FNBP1L: variants seen among roughly 807,000 people sequenced by gnomAD.
FNBP1L encodes formin-binding protein 1-like.
A neutral mutation model predicts 91.2 loss-of-function variants in FNBP1L; 36 were observed. The observed-to-expected ratio is 0.39, with a 90% CI of 0.30 to 0.52. The LOEUF is 0.52. Ranked by LOEUF, FNBP1L falls within the 20% of genes least tolerant of loss-of-function variation. The pLI is 0.66. For synonymous variants in FNBP1L, 242 were observed against 237.0 expected (o/e 1.02, Z -0.19); for missense variants, 571 against 732.1 (o/e 0.78, Z 2.54).
At chr1:93,482,907 A>G (rs1669760956) in intron 1 of FNBP1L, among the ~76,000 whole-genome samples, 3 of 151,266 alleles carry the variant, frequency 2.0e-5, no homozygotes, top group Non-Finnish European at 4.4e-5. Flanking sequence ...AGTCCCAGCT[A>G]CTCAGGAGGC....
At chr1:93,513,695 A>C (rs1370233837) in intron 2 of FNBP1L, among the ~76,000 whole-genome samples, 1 of 152,240 alleles carries the variant, frequency 6.6e-6, no homozygotes, top group Non-Finnish European at 1.5e-5. Flanking sequence ...TAGATGCAGA[A>C]AAGGCCTTTG....
intron 1 of FNBP1L, among the ~76,000 whole-genome samples, chr1:93,497,322 A>G (rs1670299546): frequency 6.6e-6 from 1 of 152,238 alleles, no homozygotes; most frequent in Non-Finnish European, 1.5e-5. Context: ...AGTTTACAAA[A>G]ATAACAAATT....
At chr1:93,472,554 T>C (rs1406835659) in intron 1 of FNBP1L, among the ~76,000 whole-genome samples, 1 of 151,876 alleles carries the variant, frequency 6.6e-6, no homozygotes, top group African/African-American at 2.4e-5. Context: ...GGCTTATGCC[T>C]GTAATCCCAG....
At chr1:93,506,410 C>G (rs201598046) in intron 2 of FNBP1L, among the ~76,000 whole-genome samples, 1 of 152,122 alleles carries the variant, frequency 6.6e-6, no homozygotes, top group East Asian at 1.9e-4. Flanking sequence ...CAAAGTCTTA[C>G]AACTTTCAGA....
chr1:93,468,326 T>C (rs1358606833), intron 1 of FNBP1L, among the ~76,000 whole-genome samples: 1 of 152,202 alleles, frequency 6.6e-6, no homozygotes, highest in Non-Finnish European at 1.5e-5. Context: ...TGTATGCATA[T>C]ACCACATTTT....
In FNBP1L at chr1:93,547,365, G is replaced by A. The variant is rs752462169; in HGVS notation, c.1426G>A (p.Glu476Lys). The change falls in exon 14 of 17, where the codon GAA becomes AAA. Residue 476 changes from glutamate (E) to lysine (K), a missense_variant. Coordinates refer to ENST00000271234, the MANE Select transcript of FNBP1L (RefSeq NM_001164473.3). ...HKNEAWLSEV[E>K]GKTGGRGDRR... The stretch of plus-strand genomic sequence containing the variant: ...TCCTAAGGCTTGGCTCTCTGAAGTC[G>A]AAGGCAAAACAGGTGGGAGAGGAGA... 3.8e-6 allele frequency: 6 copies of A among 1,559,944 alleles called. No homozygotes were observed. The highest frequency in any genetic ancestry group is 1.9e-5 in the Admixed American group (1 of 52,192).
At chr1:93,448,504 G>C (rs897597311) in intron 1 of FNBP1L, among the ~76,000 whole-genome samples, 199 bp downstream of exon 1, 1 of 152,190 alleles carries the variant, frequency 6.6e-6, no homozygotes, top group Non-Finnish European at 1.5e-5. Context: ...CCGCTAGTCC[G>C]TGCTCCCGCC....
intron 1 of FNBP1L, among the ~76,000 whole-genome samples, chr1:93,482,673 G>A (rs1204265824): frequency 6.6e-6 from 1 of 151,986 alleles, no homozygotes; most frequent in Admixed American, 6.5e-5. Context: ...CAGGCAGATT[G>A]CTTGAGCCCA....
At position 93,554,328 on chromosome 1, in the gene FNBP1L, T is replaced by C. The variant is rs1455400853; in HGVS notation, c.*1912T>C. On this transcript the variant is annotated 3_prime_UTR_variant, in exon 17 of 17. Coordinates refer to ENST00000271234, the MANE Select transcript of FNBP1L (RefSeq NM_001164473.3). ...GCTAACAGCCACAGAGGGCAAAGTT[T>C]AAGACTTTCTTGTAAGGACTAACTG... 1 of 152,694 alleles carries C rather than the reference T, an allele frequency of 6.5e-6. No individual in the cohort carries two copies. The highest frequency in any genetic ancestry group is 1.5e-5 in the Non-Finnish European group (1 of 68,050). 9.5% of individuals were successfully genotyped at this position (152,694 alleles called of 1,614,324 possible). A position where few individuals can be genotyped will look rare whatever the true frequency, so the allele number is the denominator to read the frequency against.
chr1:93,474,675 A>G (rs762594723), intron 1 of FNBP1L, among the ~76,000 whole-genome samples: 6 of 152,186 alleles, frequency 3.9e-5, no homozygotes, highest in East Asian at 3.9e-4. Flanking sequence ...TATTTTGTCA[A>G]TCATTTCTTA....
intron 5 of FNBP1L, among the ~76,000 whole-genome samples, chr1:93,526,410 T>G (rs1671496872): frequency 1.3e-5 from 2 of 152,176 alleles, no homozygotes; most frequent in South Asian, 4.1e-4. Flanking sequence ...GCAGTAGGCT[T>G]AAAGAGCTAA....
At chr1:93,552,111 A>T in intron 16 of FNBP1L, 1 of 1,147,978 alleles carries the variant, frequency 8.7e-7, no homozygotes, top group Non-Finnish European at 1.1e-6. Flanking sequence ...AGTTATTAGG[A>T]TAGATAAATT....
intron 1 of FNBP1L, among the ~76,000 whole-genome samples, chr1:93,469,787 A>G (rs766401088): frequency 6.6e-6 from 1 of 152,136 alleles, no homozygotes; most frequent in African/African-American, 2.4e-5. Context: ...CCTGGGCAAT[A>G]TAGCAAGATC....
At chr1:93,501,372 G>T (rs1343781436) in intron 2 of FNBP1L, among the ~76,000 whole-genome samples, 1 of 152,156 alleles carries the variant, frequency 6.6e-6, no homozygotes, top group Non-Finnish European at 1.5e-5. Flanking sequence ...GTACAGGCTG[G>T]TAAGTTCAAA....
Position 93,540,861 on chromosome 1 carries a change from T to G in FNBP1L, c.1150-181T>G, listed in dbSNP as rs1480541917. ...AATGTATGCTTTTTTTTTTTTTTTT[T>G]GCAAGTAATTTACTTTCCCAAAATG... On this transcript the variant is annotated intron_variant, in intron 10 of 16. Transcript: ENST00000271234. Among the ~76,000 whole-genome samples the G allele has an allele frequency of 1.8e-4, 22 of 124,866 alleles. No homozygotes were observed. Among genetic ancestry groups the G allele is most frequent in the Non-Finnish European group, 2.9e-4 (17 of 58,858 alleles). 81.9% of individuals were successfully genotyped at this position (124,866 alleles called of 152,430 possible). A position where few individuals can be genotyped will look rare whatever the true frequency, so the allele number is the denominator to read the frequency against.
chr1:93,499,321 A>AT, intron 1 of FNBP1L, 147 bp from the exon 2 acceptor site: 1 of 629,078 alleles, frequency 1.6e-6, no homozygotes, highest in South Asian at 1.9e-5. Context: ...CTAGGTCTTA[A>AT]AGGGTGAAGT....
intron 2 of FNBP1L, among the ~76,000 whole-genome samples, chr1:93,521,574 C>T (rs993743012): frequency 6.6e-6 from 1 of 152,216 alleles, no homozygotes; most frequent in African/African-American, 2.4e-5. Context: ...AACCTACCCA[C>T]ATCCTCCCCA....
In FNBP1L at chr1:93,549,464, G is replaced by A. The variant is rs776003516; in HGVS notation, c.1651+38G>A. On this transcript the variant is annotated intron_variant, in intron 15 of 16. Coordinates refer to ENST00000271234, the MANE Select transcript of FNBP1L (RefSeq NM_001164473.3). The stretch of plus-strand genomic sequence containing the variant: ...TAATAATATTGTATGTAAAAAAATT[G>A]GTTCTTTAAAAGTATTTACATCAAG... 5 of 1,471,100 alleles carry A rather than the reference G, an allele frequency of 3.4e-6. No homozygotes were observed. The African/African-American group carries it at 7.2e-5, about 21-fold the overall frequency. 91.1% of individuals were successfully genotyped at this position (1,471,100 alleles called of 1,614,324 possible).
chr1:93,529,543 A>C, intron 5 of FNBP1L, 109 bp from the exon 6 acceptor site: 1 of 636,410 alleles, frequency 1.6e-6, no homozygotes, highest in South Asian at 2.5e-5. Context: ...TGCACCCATC[A>C]ACCCGTCATC....
Sources: allele counts gnomAD v4.1 joint callset (sites outside exome capture counted in the v4.1 genomes callset), GRCh38; gene constraint gnomAD v4.1.1; transcripts MANE v1.5; gene names NCBI Gene and HGNC (gene_info 2026-07-23, HGNC 2026-07-21).